Variants in RAD51B observed in about 807,000 individuals in gnomAD.
The protein encoded by RAD51B is DNA repair protein RAD51 homolog 2.
RAD51B carries 38 observed loss-of-function variants against 42.2 expected under a neutral mutation model. The ratio of observed to expected loss-of-function variants is 0.90; its 90% CI spans 0.70 to 1.18. The LOEUF (loss-of-function observed/expected upper bound fraction) is 1.18, where lower values mean the gene tolerates loss of function less well. Among genes scored for constraint, RAD51B ranks in the 50% most tolerant of loss-of-function variants. The pLI is 0.00. For synonymous variants in RAD51B, 154 were observed against 145.2 expected (o/e 1.06, Z -0.43); for missense variants, 373 against 400.7 (o/e 0.93, Z 0.59).
Position 67,819,785 on chromosome 14 carries a change from T to C in RAD51B, c.-71T>C, listed in dbSNP as rs923576556. 11 of 152,186 alleles carry C rather than the reference T, an allele frequency of 7.2e-5. No individual in the cohort carries two copies. The highest frequency in any genetic ancestry group is 2.7e-4 in the African/African-American group (11 of 41,426). 9.4% of individuals were successfully genotyped at this position (152,186 alleles called of 1,614,324 possible). ...CTCAATCAGTGCTTCGGTTGTTGCT[T>C]TGCGGCGTTTTCCGCGGGGAAACTG... On this transcript the variant is annotated 5_prime_UTR_variant, in exon 1 of 11. Transcript: ENST00000471583.
chr14:68,493,187 G>A lies in RAD51B; in HGVS notation c.1036+24937G>A, dbSNP rs183652904. Among the ~76,000 whole-genome samples, 522 of 152,230 alleles carry A rather than the reference G, an allele frequency of 3.4e-3. 2 individuals carry two copies. The highest frequency in any genetic ancestry group is 5.3e-3 in the Non-Finnish European group (363 of 68,002). ...GTCTGCCCTTCCCATCCCCCCGGCC[G>A]AATGACCCCAGAGTTAGCTGCAGTT... On this transcript the variant is annotated intron_variant, in intron 10 of 10. Transcript: ENST00000487270.
intron 7 of RAD51B, among the ~76,000 whole-genome samples, chr14:68,262,192 A>G (rs2080904232): frequency 6.6e-6 from 1 of 152,214 alleles, no homozygotes. Flanking sequence ...GTAGGAGGAA[A>G]GAGTAGCAGT....
At chr14:68,445,321 G>A (rs1442785394) in intron 9 of RAD51B, among the ~76,000 whole-genome samples, 1 of 151,696 alleles carries the variant, frequency 6.6e-6, no homozygotes, top group East Asian at 2.0e-4. Flanking sequence ...ACTTAAAAAT[G>A]ATTCTGTATA....
intron 7 of RAD51B, among the ~76,000 whole-genome samples, chr14:68,059,194 G>C (rs181909364): frequency 3.7e-4 from 57 of 152,066 alleles, no homozygotes; most frequent in Non-Finnish European, 6.8e-4. Context: ...CACTGCCACT[G>C]CCCTAATTCT....
chr14:68,091,400 G>T (rs2077096847), intron 7 of RAD51B, among the ~76,000 whole-genome samples: 1 of 152,152 alleles, frequency 6.6e-6, no homozygotes, highest in South Asian at 2.1e-4. Flanking sequence ...CATACTAACT[G>T]GTGTGAGATG....
At chr14:68,379,082 A>G (rs2083428972) in intron 8 of RAD51B, among the ~76,000 whole-genome samples, 1 of 152,202 alleles carries the variant, frequency 6.6e-6, no homozygotes, top group Non-Finnish European at 1.5e-5. Context: ...CCGGGAAATA[A>G]CAAGTGGAGC....
chr14:68,009,814 C>T lies in RAD51B; in HGVS notation c.756+122610C>T, dbSNP rs145997761. On this transcript the variant is annotated intron_variant, in intron 7 of 10. Coordinates refer to ENST00000471583, the MANE Select transcript of RAD51B (RefSeq NM_133510.4). ...TAACATCAATTTATTTTTATATTTT[C>T]GAGTGCCTTGCAAAAATTAGGGTCT... 2.4e-3 allele frequency among the ~76,000 whole-genome samples: 357 copies of T among 151,824 alleles called. 1 individual carries two copies. The highest frequency in any genetic ancestry group is 8.3e-3 in the African/African-American group (343 of 41,470).
intron 10 of RAD51B, among the ~76,000 whole-genome samples, chr14:68,631,252 C>T (rs527493232): frequency 6.6e-6 from 1 of 152,282 alleles, no homozygotes; most frequent in South Asian, 2.1e-4. Flanking sequence ...TCTAAAGCTG[C>T]ATTGATTTAA....
chr14:68,063,166 T>C (rs921597606), intron 7 of RAD51B, among the ~76,000 whole-genome samples: 3 of 152,168 alleles, frequency 2.0e-5, no homozygotes, highest in African/African-American at 4.8e-5. Flanking sequence ...ATTTTGTTTA[T>C]CTTTTTGAAA....
intron 5 of RAD51B, among the ~76,000 whole-genome samples, chr14:67,868,784 C>T (rs1425543337): frequency 6.6e-6 from 1 of 152,288 alleles, no homozygotes; most frequent in African/African-American, 2.4e-5. Flanking sequence ...GACCCCTGAC[C>T]CCCGAGCAGC....
intron 11 of RAD51B, among the ~76,000 whole-genome samples, chr14:68,669,091 C>T (rs1021695028): frequency 2.6e-5 from 4 of 152,220 alleles, no homozygotes; most frequent in African/African-American, 9.6e-5. Context: ...TCCTTCATCA[C>T]GGAGAGCCTA....
intron 7 of RAD51B, among the ~76,000 whole-genome samples, chr14:68,174,195 T>TTA (rs912182814): frequency 6.6e-6 from 1 of 152,136 alleles, no homozygotes; most frequent in African/African-American, 2.4e-5. Context: ...TTCTGGTAGA[T>TTA]TATTTAGAGT....
intron 9 of RAD51B, among the ~76,000 whole-genome samples, chr14:68,420,899 T>C (rs1385128505): frequency 6.6e-6 from 1 of 152,240 alleles, no homozygotes; most frequent in Non-Finnish European, 1.5e-5. Context: ...TGTTTTAATT[T>C]AGGAATAAAA....
chr14:68,625,833 G>A (rs1303592103), intron 10 of RAD51B, among the ~76,000 whole-genome samples: 1 of 152,116 alleles, frequency 6.6e-6, no homozygotes, highest in Non-Finnish European at 1.5e-5. Flanking sequence ...TCTTCTTTGG[G>A]TTTCCAGGGC....
rs115973256 is a variant in RAD51B, at chr14:68,588,263, C to T, written c.1037-6222C>T. Among the ~76,000 whole-genome samples the T allele has an allele frequency of 8.5e-3, 1,298 of 152,274 alleles. 13 individuals are homozygous for T. The highest frequency in any genetic ancestry group is 0.03 in the African/African-American group (1,229 of 41,536). Reference sequence around the variant, plus strand: ...TATTATAAAGGGCTGATGTGAGGCTCGACCTGGTACCAGCAGGCTCCTACC... The same window carrying T: ...TATTATAAAGGGCTGATGTGAGGCTTGACCTGGTACCAGCAGGCTCCTACC... On this transcript the variant is annotated intron_variant, in intron 10 of 10. Coordinates refer to the RAD51B transcript ENST00000487270.
intron 10 of RAD51B, among the ~76,000 whole-genome samples, chr14:68,545,378 A>T (rs1192776300): frequency 6.6e-6 from 1 of 152,178 alleles, no homozygotes; most frequent in Non-Finnish European, 1.5e-5. Context: ...GAAACAGTCT[A>T]AAAAAAGACA....
At chr14:68,220,620 G>A (rs1485726880) in intron 7 of RAD51B, among the ~76,000 whole-genome samples, 3 of 152,170 alleles carry the variant, frequency 2.0e-5, no homozygotes, top group Non-Finnish European at 2.9e-5. Flanking sequence ...AGCCAGAGCA[G>A]TTAGACAAAT....
chr14:68,281,608 T>C (rs1267077311), intron 7 of RAD51B, among the ~76,000 whole-genome samples: 2 of 152,326 alleles, frequency 1.3e-5, no homozygotes, highest in Non-Finnish European at 2.9e-5. Flanking sequence ...TCACTCTGCA[T>C]TGAGGATCAG....
At chr14:67,863,554 C>T (rs1350393651) in intron 4 of RAD51B, among the ~76,000 whole-genome samples, 1 of 152,062 alleles carries the variant, frequency 6.6e-6, no homozygotes, top group Non-Finnish European at 1.5e-5. Flanking sequence ...GTATCTGAGA[C>T]AGTTTCTTTA....
Sources: gnomAD v4.1 joint callset for allele counts (sites outside exome capture counted in the v4.1 genomes callset) on GRCh38, gnomAD v4.1.1 for gene constraint, MANE v1.5 for transcripts, NCBI Gene and HGNC (gene_info 2026-07-23, HGNC 2026-07-21) for gene names.